The following ST8SIA4 variants were observed in gnomAD, a reference collection of about 807,000 sequenced individuals.
The protein encoded by ST8SIA4 is CMP-N-acetylneuraminate-poly-alpha-2,8-sialyltransferase.
ST8SIA4 carries 15 observed loss-of-function variants against 33.9 expected under a neutral mutation model. That is an observed-to-expected ratio of 0.44 (90% CI 0.30 to 0.68). The LOEUF (loss-of-function observed/expected upper bound fraction) is 0.68. Ranked by LOEUF, ST8SIA4 falls within the 30% of genes least tolerant of loss-of-function variation. The pLI, the probability that ST8SIA4 is intolerant of heterozygous loss-of-function variation, is 0.10. For synonymous variants in ST8SIA4, 171 were observed against 151.2 expected (o/e 1.13, Z -0.96); for missense variants, 321 against 428.0 (o/e 0.75, Z 2.21).
intron 4 of ST8SIA4, among the ~76,000 whole-genome samples, chr5:100,832,216 T>G (rs1377766203): frequency 6.6e-6 from 1 of 152,096 alleles, no homozygotes; most frequent in Non-Finnish European, 1.5e-5. Flanking sequence ...TTATATTTAT[T>G]TTAGTTAAAT....
intron 4 of ST8SIA4, among the ~76,000 whole-genome samples, chr5:100,851,061 G>A (rs1751687730): frequency 6.8e-6 from 1 of 147,986 alleles, no homozygotes; most frequent in Non-Finnish European, 1.5e-5. Context: ...CTGGGCTTAA[G>A]CGATTCTTCT....
At chr5:100,825,624 C>T (rs192850577) in intron 4 of ST8SIA4, among the ~76,000 whole-genome samples, 7 of 152,290 alleles carry the variant, frequency 4.6e-5, no homozygotes, top group African/African-American at 1.7e-4. Flanking sequence ...AGGTCAGAAA[C>T]AGGCTCTGAA....
At chr5:100,834,084 A>C (rs910901176) in intron 4 of ST8SIA4, among the ~76,000 whole-genome samples, 12 of 152,202 alleles carry the variant, frequency 7.9e-5, no homozygotes, top group Non-Finnish European at 1.6e-4. Context: ...TATAATAATC[A>C]AAAGACATTA....
Position 100,895,757 on chromosome 5 carries a change from G to T in ST8SIA4, c.142C>A (p.Leu48Ile), listed in dbSNP as rs760805096. Residue 48 changes from leucine (L) to isoleucine (I), a missense_variant, in exon 2 of 5, where the codon CTT becomes ATT. By Grantham distance (5) the Leu-to-Ile change is conservative. Coordinates refer to ENST00000231461, the MANE Select transcript of ST8SIA4 (RefSeq NM_005668.6). ...GDGELSLSRSLVNSSDKIIRK... is the reference protein window; with the variant it reads ...GDGELSLSRSIVNSSDKIIRK... ...ATGATTTTATCAGAGCTATTGACAAGTGACCGACTCAAAGACAATTCACCA... is the reference window on the plus strand; with the variant it reads ...ATGATTTTATCAGAGCTATTGACAATTGACCGACTCAAAGACAATTCACCA... 4 of 1,612,682 alleles carry T rather than the reference G, an allele frequency of 2.5e-6. No individual in the cohort carries two copies. The highest frequency in any genetic ancestry group is 3.4e-6 in the Non-Finnish European group (4 of 1,179,054).
At chr5:100,878,478 C>A (rs1024691457) in intron 3 of ST8SIA4, among the ~76,000 whole-genome samples, 2 of 152,076 alleles carry the variant, frequency 1.3e-5, no homozygotes, top group Non-Finnish European at 2.9e-5. Flanking sequence ...TGCTGGGCTG[C>A]AAAGTTTTTA....
intron 4 of ST8SIA4, among the ~76,000 whole-genome samples, chr5:100,831,496 G>A (rs1366603417): frequency 6.6e-6 from 1 of 151,528 alleles, no homozygotes; most frequent in Non-Finnish European, 1.5e-5. Flanking sequence ...TCTTTTTGAG[G>A]CACAATTCTT....
intron 4 of ST8SIA4, among the ~76,000 whole-genome samples, chr5:100,849,660 T>G (rs1751647452): frequency 1.3e-5 from 2 of 150,022 alleles, no homozygotes; most frequent in South Asian, 4.2e-4. Flanking sequence ...GCGTGGCGCC[T>G]CATTCCTGTA....
intron 4 of ST8SIA4, among the ~76,000 whole-genome samples, chr5:100,848,713 T>C (rs1362656570): frequency 6.6e-6 from 1 of 150,562 alleles, no homozygotes; most frequent in Non-Finnish European, 1.5e-5. Context: ...AAATACTACT[T>C]CAGATATAGG....
intron 4 of ST8SIA4, among the ~76,000 whole-genome samples, chr5:100,846,019 G>T (rs2112428371): frequency 6.6e-6 from 1 of 151,904 alleles, no homozygotes; most frequent in Middle Eastern, 3.4e-3. Context: ...ACCACAGGCA[G>T]GTAAAATTTA....
At chr5:100,813,497 C>T (rs1365177135) in intron 4 of ST8SIA4, among the ~76,000 whole-genome samples, 1 of 151,840 alleles carries the variant, frequency 6.6e-6, no homozygotes, top group Non-Finnish European at 1.5e-5. Context: ...TCAGTAAAGA[C>T]GATTTTATAA....
intron 3 of ST8SIA4, among the ~76,000 whole-genome samples, chr5:100,871,420 C>T (rs1752195670): frequency 1.3e-5 from 2 of 152,012 alleles, no homozygotes. Context: ...TTTCTGAAGA[C>T]ATATATATCT....
rs545069911 is a variant in ST8SIA4, at chr5:100,834,149, A to G, written c.797+21954T>C. On this transcript the variant is annotated intron_variant, in intron 4 of 4. Transcript: ENST00000231461. The stretch of plus-strand genomic sequence containing the variant: ...GCATTTATATATACACACACATATA[A>G]TGTATATGGATATGTACTACTGAGG... 2.6e-5 allele frequency among the ~76,000 whole-genome samples: 4 copies of G among 152,266 alleles called. No homozygotes were observed. In the East Asian group the frequency reaches 7.7e-4, roughly 29 times the overall value.
chr5:100,899,716 A>T (rs1345517643), intron 1 of ST8SIA4, among the ~76,000 whole-genome samples: 1 of 152,206 alleles, frequency 6.6e-6, no homozygotes, highest in Non-Finnish European at 1.5e-5. Context: ...TTAAATGAGG[A>T]TGCTTACATA....
intron 3 of ST8SIA4, chr5:100,885,587 AT>A: frequency 5.4e-6 from 5 of 932,738 alleles, no homozygotes; most frequent in Non-Finnish European, 6.4e-6. Flanking sequence ...TGTTTCTGTC[AT>A]TTAGCTAATT....
intron 4 of ST8SIA4, among the ~76,000 whole-genome samples, chr5:100,844,042 T>A (rs944568938): frequency 1.3e-5 from 2 of 151,930 alleles, no homozygotes; most frequent in Non-Finnish European, 2.9e-5. Context: ...AATGGTACCA[T>A]CTGGATGGCT....
At chr5:100,826,286 T>C (rs1344986013) in intron 4 of ST8SIA4, among the ~76,000 whole-genome samples, 1 of 152,186 alleles carries the variant, frequency 6.6e-6, no homozygotes, top group African/African-American at 2.4e-5. Flanking sequence ...CATATGCCAA[T>C]GTGGGAAAAC....
At chr5:100,840,321 T>C (rs1751446632) in intron 4 of ST8SIA4, among the ~76,000 whole-genome samples, 1 of 151,940 alleles carries the variant, frequency 6.6e-6, no homozygotes, top group East Asian at 1.9e-4. Context: ...TGTGTGTGTA[T>C]GTGTGTCTAT....
At position 100,869,593 on chromosome 5, in the gene ST8SIA4, T is replaced by C. The variant is rs572900245; in HGVS notation, c.504-13197A>G. 1.9e-4 allele frequency among the ~76,000 whole-genome samples: 29 copies of C among 152,294 alleles called. No homozygotes were observed. In the East Asian group the frequency reaches 5.4e-3, roughly 28 times the overall value. ...ATTATGGTCTTTCCAAGTGTGAATA[T>C]GCTCATGTTTCTGTACTTCTCAGTA... On this transcript the variant is annotated intron_variant, in intron 3 of 4. Coordinates refer to ENST00000231461, the MANE Select transcript of ST8SIA4 (RefSeq NM_005668.6).
At chr5:100,826,101 G>A (rs1751137826) in intron 4 of ST8SIA4, among the ~76,000 whole-genome samples, 1 of 141,518 alleles carries the variant, frequency 7.1e-6, no homozygotes, top group Non-Finnish European at 1.5e-5. Flanking sequence ...GCAACCTGAT[G>A]AACTTTTGGT....
Sources: gnomAD v4.1 joint callset for allele counts (sites outside exome capture counted in the v4.1 genomes callset) on GRCh38, gnomAD v4.1.1 for gene constraint, MANE v1.5 for transcripts, NCBI Gene and HGNC (gene_info 2026-07-23, HGNC 2026-07-21) for gene names.